Variants in SLC2A13 observed in about 807,000 individuals in gnomAD.
The protein encoded by SLC2A13 is proton myo-inositol cotransporter.
SLC2A13 carries 32 observed loss-of-function variants against 64.4 expected under a neutral mutation model. The ratio of observed to expected loss-of-function variants is 0.50; its 90% CI spans 0.37 to 0.67. The LOEUF (loss-of-function observed/expected upper bound fraction) is 0.67, where lower values mean the gene tolerates loss of function less well. Among genes scored for constraint, SLC2A13 ranks in the 30% least tolerant of loss-of-function variants. SLC2A13 has a pLI of 0.00. For synonymous variants in SLC2A13, 338 were observed against 327.1 expected (o/e 1.03, Z -0.36); for missense variants, 743 against 829.2 (o/e 0.90, Z 1.28).
intron 1 of SLC2A13, among the ~76,000 whole-genome samples, chr12:40,069,175 G>C (rs1244979319): frequency 6.6e-6 from 1 of 151,306 alleles, no homozygotes; most frequent in Non-Finnish European, 1.5e-5. Context: ...AAGGAGTGAG[G>C]AAAGAAAAAG....
rs1942791540 is a variant in SLC2A13 at position 39,829,411 on chromosome 12, T to TTTTTTTTTTTTTTTTTTTA, written c.1445+691_1445+692insTAAAAAAAAAAAAAAAAAA. On this transcript the variant is annotated intron_variant, in intron 7 of 9. Transcript: ENST00000280871. ...GTAATTCTTTTTTTTTTTTTTTTTT[T>TTTTTTTTTTTTTTTTTTTA]TTTTCTTTTTTTTGAGGCAGAGTCT... The TTTTTTTTTTTTTTTTTTTA allele has an allele frequency of 2.6e-5, 2 of 77,058 alleles. 1 individual carries two copies. The allele number at this position is 77,058 out of a possible 1,614,324, so 4.8% of individuals were successfully genotyped here. A position where few individuals can be genotyped will look rare whatever the true frequency, so the allele number is the denominator to read the frequency against.
At chr12:39,900,693 A>G (rs2136015100) in intron 4 of SLC2A13, among the ~76,000 whole-genome samples, 1 of 152,324 alleles carries the variant, frequency 6.6e-6, no homozygotes, top group African/African-American at 2.4e-5. Context: ...AAAAGAGGAT[A>G]CAAACAAATG....
intron 6 of SLC2A13, among the ~76,000 whole-genome samples, chr12:39,858,361 C>G (rs978017104): frequency 6.6e-6 from 1 of 151,974 alleles, no homozygotes; most frequent in Non-Finnish European, 1.5e-5. Context: ...TCTACTGTAG[C>G]ATTATTAATA....
At chr12:39,936,651 A>G (rs1945922902) in intron 4 of SLC2A13, among the ~76,000 whole-genome samples, 1 of 152,208 alleles carries the variant, frequency 6.6e-6, no homozygotes, top group South Asian at 2.1e-4. Flanking sequence ...GGAAGGATAC[A>G]AGAGATATTA....
intron 5 of SLC2A13, among the ~76,000 whole-genome samples, 183 bp downstream of exon 5, chr12:39,871,615 G>C (rs543780368): frequency 2.6e-5 from 4 of 151,912 alleles, no homozygotes; most frequent in South Asian, 2.1e-4. Context: ...TTCTAGTCAC[G>C]TAGCGTAACA....
intron 7 of SLC2A13, among the ~76,000 whole-genome samples, chr12:39,780,902 T>A (rs948480176): frequency 3.3e-5 from 5 of 152,176 alleles, no homozygotes; most frequent in African/African-American, 1.2e-4. Context: ...GTGGAGTGTC[T>A]CAGCAATTAT....
chr12:39,796,524 T>C (rs1221507954), intron 7 of SLC2A13, among the ~76,000 whole-genome samples: 2 of 152,188 alleles, frequency 1.3e-5, no homozygotes, highest in East Asian at 3.9e-4. Flanking sequence ...CACTTTTTCC[T>C]TTTTTTCCAT....
At chr12:39,929,425 C>T (rs990629635) in intron 4 of SLC2A13, among the ~76,000 whole-genome samples, 15 of 151,846 alleles carry the variant, frequency 9.9e-5, no homozygotes, top group Non-Finnish European at 2.2e-4. Flanking sequence ...GTGGTGGGAA[C>T]CTGTAATCCC....
At chr12:40,103,048 T>C (rs17489638) in intron 1 of SLC2A13, among the ~76,000 whole-genome samples, 45 of 152,298 alleles carry the variant, frequency 3.0e-4, no homozygotes, top group African/African-American at 9.4e-4. Flanking sequence ...GGAAGTGAGA[T>C]GGGCCACACC....
chr12:39,837,871 A>G (rs61931237), intron 6 of SLC2A13, among the ~76,000 whole-genome samples: 30 of 151,060 alleles, frequency 2.0e-4, no homozygotes, highest in East Asian at 5.9e-4. Flanking sequence ...GGAGAAATAG[A>G]AACACTTTTA....
intron 2 of SLC2A13, among the ~76,000 whole-genome samples, chr12:40,038,432 A>C (rs1307437667): frequency 1.3e-5 from 2 of 152,090 alleles, no homozygotes; most frequent in African/African-American, 4.8e-5. Flanking sequence ...GAGACTGTCT[A>C]ATGTAAATGT....
chr12:39,886,671 T>C (rs1944473138), intron 4 of SLC2A13, among the ~76,000 whole-genome samples: 1 of 152,174 alleles, frequency 6.6e-6, no homozygotes, highest in Non-Finnish European at 1.5e-5. Context: ...GTGTGTAGAA[T>C]TGGTTTTAGA....
At chr12:39,978,668 T>A (rs1231294584) in intron 3 of SLC2A13, among the ~76,000 whole-genome samples, 1 of 150,388 alleles carries the variant, frequency 6.6e-6, no homozygotes, top group Admixed American at 6.6e-5. Context: ...GCTCGGAGGG[T>A]CCTACGCCCA....
At chr12:40,023,411 T>A (rs921991627) in intron 3 of SLC2A13, among the ~76,000 whole-genome samples, 6 of 152,226 alleles carry the variant, frequency 3.9e-5, no homozygotes, top group African/African-American at 1.4e-4. Flanking sequence ...CAACAGCCTT[T>A]GCTTTCCTTT....
At chr12:40,041,818 C>A (rs1048823045) in intron 2 of SLC2A13, among the ~76,000 whole-genome samples, 3 of 152,252 alleles carry the variant, frequency 2.0e-5, no homozygotes, top group Non-Finnish European at 4.4e-5. Flanking sequence ...ATCTTTGACT[C>A]CTGTCATGGC....
intron 6 of SLC2A13, among the ~76,000 whole-genome samples, chr12:39,851,754 C>T (rs1375352414): frequency 1.3e-5 from 2 of 152,170 alleles, no homozygotes; most frequent in Non-Finnish European, 2.9e-5. Flanking sequence ...TTAAGACATG[C>T]TGAGCTTTGA....
chr12:39,909,985 A>C (rs2136038524), intron 4 of SLC2A13, among the ~76,000 whole-genome samples: 1 of 152,052 alleles, frequency 6.6e-6, no homozygotes, highest in South Asian at 2.1e-4. Context: ...AATAAATCAT[A>C]GATATCTTTT....
At chr12:39,954,580 C>T (rs2136105473) in intron 3 of SLC2A13, among the ~76,000 whole-genome samples, 1 of 152,178 alleles carries the variant, frequency 6.6e-6, no homozygotes, top group East Asian at 1.9e-4. Flanking sequence ...AAGGGATATA[C>T]CTTAATAATG....
intron 3 of SLC2A13, among the ~76,000 whole-genome samples, chr12:39,959,659 C>T (rs1196846054): frequency 6.6e-6 from 1 of 152,140 alleles, no homozygotes; most frequent in East Asian, 1.9e-4. Flanking sequence ...AAATGCATTC[C>T]TCAGCAATTC....
Sources: gnomAD v4.1 joint callset for allele counts (sites outside exome capture counted in the v4.1 genomes callset) on GRCh38, gnomAD v4.1.1 for gene constraint, MANE v1.5 for transcripts, NCBI Gene and HGNC (gene_info 2026-07-23, HGNC 2026-07-21) for gene names.